SPATA16: variants seen among roughly 807,000 people sequenced by gnomAD.
SPATA16 encodes the protein spermatogenesis-associated protein 16.
Under a neutral mutation model 63.3 loss-of-function variants are expected in SPATA16, and 36 were observed. The observed-to-expected ratio is 0.57, with a 90% CI of 0.44 to 0.75. The LOEUF is 0.75. SPATA16 is among the 30% of genes least tolerant of loss of function. The probability of loss-of-function intolerance (pLI) is 0.00; values close to 1 mark genes in which losing one functional copy is unlikely to be tolerated. For missense variants in SPATA16, 646 were observed against 679.3 expected, an observed-to-expected ratio of 0.95 and a Z score of 0.54; for synonymous variants, 203 against 216.7, an observed-to-expected ratio of 0.94 and a Z score of 0.56.
intron 3 of SPATA16, among the ~76,000 whole-genome samples, chr3:173,028,070 CCTTCCTTT>C (rs1467331532): frequency 0.026 from 2,598 of 101,454 alleles, 149 homozygotes; most frequent in African/African-American, 0.029. Flanking sequence ...TTCCTTCCTT[CCTTCCTTT>C]CTCTCTCTCT....
chr3:172,989,264 G>A (rs1254250579), intron 4 of SPATA16, among the ~76,000 whole-genome samples: 1 of 152,126 alleles, frequency 6.6e-6, no homozygotes, highest in Non-Finnish European at 1.5e-5. Context: ...CTAGAGATAA[G>A]TAGGTAATTT....
intron 2 of SPATA16, among the ~76,000 whole-genome samples, chr3:173,110,552 G>A (rs78477671): frequency 0.024 from 3,705 of 152,198 alleles, 161 homozygotes; most frequent in African/African-American, 0.085. Flanking sequence ...AGGGAAGTGA[G>A]GTACTTGAGA....
At chr3:172,955,172 T>A (rs747457592) in intron 6 of SPATA16, among the ~76,000 whole-genome samples, 1 of 152,220 alleles carries the variant, frequency 6.6e-6, no homozygotes, top group Non-Finnish European at 1.5e-5. Context: ...GCTTCCGAAC[T>A]ATTAATTAAT....
At chr3:173,065,961 C>A (rs545969676) in intron 2 of SPATA16, among the ~76,000 whole-genome samples, 1 of 152,162 alleles carries the variant, frequency 6.6e-6, no homozygotes, top group African/African-American at 2.4e-5. Flanking sequence ...TTGCACTGAT[C>A]CCAGAGGCAG....
At chr3:172,912,571 C>A (rs1232544027) in intron 10 of SPATA16, among the ~76,000 whole-genome samples, 2 of 152,116 alleles carry the variant, frequency 1.3e-5, no homozygotes, top group Non-Finnish European at 2.9e-5. Context: ...ATCACCTCCT[C>A]AGCCAATTCG....
intron 3 of SPATA16, among the ~76,000 whole-genome samples, chr3:173,026,150 CTCA>C (rs1438626067): frequency 1.3e-5 from 2 of 151,678 alleles, no homozygotes; most frequent in African/African-American, 4.8e-5. Flanking sequence ...TAGATGGTAT[CTCA>C]TTGTGGCTTT....
Position 172,889,467 on chromosome 3 carries a change from C to T in SPATA16, c.*103G>A. 9 of 1,551,738 alleles carry T rather than the reference C, an allele frequency of 5.8e-6. No homozygotes were observed. In the Admixed American group the frequency reaches 1.4e-4, roughly 23 times the overall value. On this transcript the variant is annotated 3_prime_UTR_variant, in exon 11 of 11. Transcript: ENST00000351008. ...GAATACCACCTCTTTCTTTTGGTGA[C>T]AAGCTTTTGTTATCCAGCTTCACAG...
rs189003578 is a variant in SPATA16 at position 173,078,371 on chromosome 3, C to T, written c.613-29277G>A. On this transcript the variant is annotated intron_variant, in intron 2 of 10. Transcript: ENST00000351008. ...CTCTCTATAGGAATCTGACTCTTAA[C>T]GGTCAATGGCAATGTTAAGAGGACA... is the stretch of plus-strand genomic sequence containing the variant. Among the ~76,000 whole-genome samples the T allele has an allele frequency of 3.4e-4, 51 of 152,156 alleles. 1 individual carries two copies. The highest frequency in any genetic ancestry group is 1.0e-3 in the Admixed American group (16 of 15,282).
intron 2 of SPATA16, among the ~76,000 whole-genome samples, chr3:173,058,949 A>G (rs1736313449): frequency 1.3e-5 from 2 of 151,912 alleles, no homozygotes; most frequent in Non-Finnish European, 2.9e-5. Context: ...TTCCTTTTTA[A>G]TCATTCTGTT....
At chr3:173,118,028 G>A (rs1375972319) in intron 1 of SPATA16, among the ~76,000 whole-genome samples, 1 of 152,060 alleles carries the variant, frequency 6.6e-6, no homozygotes, top group African/African-American at 2.4e-5. Context: ...ATACTTTAAT[G>A]GGGTATCCAA....
At chr3:172,905,552 T>C (rs556650679) in intron 10 of SPATA16, among the ~76,000 whole-genome samples, 16 of 152,354 alleles carry the variant, frequency 1.1e-4, no homozygotes, top group African/African-American at 2.4e-4. Context: ...CTCTCCTGTT[T>C]GCTTTGCCTA....
At chr3:173,001,455 C>T (rs889670133) in intron 4 of SPATA16, among the ~76,000 whole-genome samples, 4 of 152,080 alleles carry the variant, frequency 2.6e-5, no homozygotes, top group Non-Finnish European at 5.9e-5. Context: ...AAAATGATTT[C>T]ATTTCTCCTT....
At chr3:173,051,779 T>G (rs929273621) in intron 2 of SPATA16, among the ~76,000 whole-genome samples, 2 of 151,944 alleles carry the variant, frequency 1.3e-5, no homozygotes, top group African/African-American at 4.8e-5. Context: ...TTCTCTCTGA[T>G]GTGATGGTGT....
intron 4 of SPATA16, among the ~76,000 whole-genome samples, chr3:173,002,366 G>A (rs1188814492): frequency 1.3e-5 from 2 of 152,146 alleles, no homozygotes; most frequent in African/African-American, 4.8e-5. Flanking sequence ...TGAATAAAAT[G>A]CAGACTGAAT....
At chr3:173,086,700 T>G (rs975037130) in intron 2 of SPATA16, among the ~76,000 whole-genome samples, 3 of 152,218 alleles carry the variant, frequency 2.0e-5, no homozygotes, top group African/African-American at 7.2e-5. Flanking sequence ...CTCTTAACAC[T>G]GCTTTAGCTG....
At chr3:172,906,740 CTTTTTTA>C (rs1390109688) in intron 10 of SPATA16, among the ~76,000 whole-genome samples, 13 of 151,914 alleles carry the variant, frequency 8.6e-5, no homozygotes, top group Non-Finnish European at 1.6e-4. Context: ...ATACATTTTA[CTTTTTTA>C]TTTTTTATTT....
intron 1 of SPATA16, among the ~76,000 whole-genome samples, chr3:173,139,712 G>C (rs766404970): frequency 6.6e-6 from 1 of 152,208 alleles, no homozygotes; most frequent in Non-Finnish European, 1.5e-5. Flanking sequence ...ATAGCCGGGC[G>C]TAGTGGCTCA....
chr3:172,962,794 G>A (rs904034734), intron 5 of SPATA16, among the ~76,000 whole-genome samples: 5 of 151,956 alleles, frequency 3.3e-5, no homozygotes, highest in Admixed American at 6.6e-5. Context: ...GTGTTTAATG[G>A]CTAATAAACC....
At chr3:173,033,230 T>C (rs1439399584) in intron 3 of SPATA16, among the ~76,000 whole-genome samples, 2 of 152,172 alleles carry the variant, frequency 1.3e-5, no homozygotes, top group Non-Finnish European at 2.9e-5. Flanking sequence ...TAGACTGTAA[T>C]TGTGTCTTTC....
Sources: allele counts gnomAD v4.1 joint callset (sites outside exome capture counted in the v4.1 genomes callset), GRCh38; gene constraint gnomAD v4.1.1; transcripts MANE v1.5; gene names NCBI Gene and HGNC (gene_info 2026-07-23, HGNC 2026-07-21).